Variants in FLVCR2 observed in about 807,000 individuals in gnomAD.
FLVCR2 encodes choline/ethanolamine transporter FLVCR2.
FLVCR2 carries 38 observed loss-of-function variants against 48.9 expected under a neutral mutation model. The ratio of observed to expected loss-of-function variants is 0.78; its 90% CI spans 0.60 to 1.02. The LOEUF is 1.02. FLVCR2 is among the 50% of genes least tolerant of loss of function. The pLI, the probability that FLVCR2 is intolerant of heterozygous loss-of-function variation, is 0.00. For missense variants in FLVCR2, 664 were observed against 663.3 expected (o/e 1.00, Z -0.01); for synonymous variants, 255 against 257.0 (o/e 0.99, Z 0.07).
chr14:75,584,020 G>T (rs1018104882), intron 1 of FLVCR2, among the ~76,000 whole-genome samples: 2 of 152,220 alleles, frequency 1.3e-5, no homozygotes, highest in African/African-American at 4.8e-5. Context: ...TTTAGGAGTG[G>T]CCGCGATGTG....
intron 3 of FLVCR2, among the ~76,000 whole-genome samples, chr14:75,629,549 C>T (rs1347606686): frequency 2.0e-5 from 3 of 151,866 alleles, no homozygotes; most frequent in Non-Finnish European, 4.4e-5. Context: ...GAACCTTCCT[C>T]TGGCTACCTT....
chr14:75,595,824 C>T (rs1889005501), intron 1 of FLVCR2: 1 of 876,836 alleles, frequency 1.1e-6, no homozygotes, highest in Non-Finnish European at 2.0e-6. Context: ...CAGCTTTTTG[C>T]CAGCACCAAC....
chr14:75,596,333 G>A (rs1278805138), intron 1 of FLVCR2: 2 of 372,054 alleles, frequency 5.4e-6, no homozygotes, highest in Non-Finnish European at 9.9e-6. Context: ...AGTGACTAAA[G>A]GTAGACGGGG....
intron 1 of FLVCR2, among the ~76,000 whole-genome samples, chr14:75,597,121 A>G (rs1889042077): frequency 6.6e-6 from 1 of 151,666 alleles, no homozygotes; most frequent in African/African-American, 2.4e-5. Context: ...GTCTCCACAA[A>G]AAGTACGAAA....
chr14:75,619,798 G>C (rs1889717716), intron 1 of FLVCR2, among the ~76,000 whole-genome samples: 4 of 152,164 alleles, frequency 2.6e-5, no homozygotes, highest in Admixed American at 2.6e-4. Flanking sequence ...CCTGGAGAAG[G>C]CTTAAAAGCC....
chr14:75,592,459 G>C (rs1012992705), intron 1 of FLVCR2, among the ~76,000 whole-genome samples: 5 of 152,266 alleles, frequency 3.3e-5, no homozygotes, highest in African/African-American at 9.6e-5. Context: ...CCATTGTTCT[G>C]TTAGTACCTG....
chr14:75,605,607 A>G, intron 1 of FLVCR2: 1 of 1,536,122 alleles, frequency 6.5e-7, no homozygotes, highest in Non-Finnish European at 8.7e-7. Context: ...CTGTGTTTGT[A>G]GAAGCGTGAG....
chr14:75,605,750 G>A (rs1331818797), intron 1 of FLVCR2: 6 of 895,620 alleles, frequency 6.7e-6, no homozygotes, highest in Non-Finnish European at 1.1e-5. Flanking sequence ...TTGAACACAA[G>A]TATTTTTCAG....
intron 1 of FLVCR2, among the ~76,000 whole-genome samples, chr14:75,613,682 C>T (rs1224500753): frequency 6.6e-6 from 1 of 152,128 alleles, no homozygotes. Context: ...TCTCGAGTAG[C>T]TGGGATTACA....
chr14:75,611,454 G>A (rs1889444962), intron 1 of FLVCR2, among the ~76,000 whole-genome samples: 1 of 152,130 alleles, frequency 6.6e-6, no homozygotes, highest in African/African-American at 2.4e-5. Context: ...CAAACCAGAG[G>A]CCAAGGCACA....
At chr14:75,588,566 T>A (rs1412150636) in intron 1 of FLVCR2, among the ~76,000 whole-genome samples, 2 of 152,162 alleles carry the variant, frequency 1.3e-5, no homozygotes, top group African/African-American at 4.8e-5. Context: ...CACTGCAATC[T>A]CCACTTCCCG....
Position 75,578,788 on chromosome 14 carries a change from T to G in FLVCR2, c.-185T>G. On this transcript the variant is annotated 5_prime_UTR_variant, in exon 1 of 10. Transcript: ENST00000238667. ...GGCAACAGAGAGCCCCAAGCAAAAG[T>G]GGGAGCAGGAGCTTGGAGGTGAGCA... The G allele has an allele frequency of 1.6e-6, 1 of 633,154 alleles. No homozygotes were observed. Among genetic ancestry groups the G allele is most frequent in the Non-Finnish European group, 2.8e-6 (1 of 362,132 alleles). The allele number at this position is 633,154 out of a possible 1,614,324, so 39.2% of individuals were successfully genotyped here.
At chr14:75,605,678 G>C in intron 1 of FLVCR2, 1 of 1,485,634 alleles carries the variant, frequency 6.7e-7, no homozygotes, top group Non-Finnish European at 9.1e-7. Context: ...CCGTGTGTCC[G>C]GAGCCTTAGG....
intron 1 of FLVCR2, among the ~76,000 whole-genome samples, chr14:75,619,381 A>T (rs1465761969): frequency 6.6e-6 from 1 of 151,938 alleles, no homozygotes; most frequent in East Asian, 1.9e-4. Flanking sequence ...TTTTCTTACC[A>T]CTGTGAGTAC....
At chr14:75,591,397 T>C (rs754629978) in intron 1 of FLVCR2, among the ~76,000 whole-genome samples, 23 of 152,208 alleles carry the variant, frequency 1.5e-4, no homozygotes, top group Non-Finnish European at 2.6e-4. Flanking sequence ...GATCAATGTT[T>C]TGCATCCTGG....
chr14:75,583,838 T>G (rs1219083876), intron 1 of FLVCR2, among the ~76,000 whole-genome samples: 2 of 152,118 alleles, frequency 1.3e-5, no homozygotes, highest in African/African-American at 4.8e-5. Context: ...GCCTCCATAT[T>G]GATTAAGAAG....
chr14:75,646,529 G>A lies in FLVCR2; in HGVS notation c.*57G>A, dbSNP rs747017094. Reference sequence around the variant, plus strand: ...ACACCCCACCTTTTCCTTCAGCACAGCTCTCACCGCCAGCACAAAGGGCTT... The same window carrying A: ...ACACCCCACCTTTTCCTTCAGCACAACTCTCACCGCCAGCACAAAGGGCTT... On this transcript the variant is annotated 3_prime_UTR_variant, in exon 10 of 10. Coordinates refer to ENST00000238667, the MANE Select transcript of FLVCR2 (RefSeq NM_017791.3). The A allele has an allele frequency of 8.1e-6, 10 of 1,240,546 alleles. No individual in the cohort carries two copies. The South Asian group carries it at 1.2e-4, about 15-fold the overall frequency. 76.8% of individuals were successfully genotyped at this position (1,240,546 alleles called of 1,614,324 possible).
intron 1 of FLVCR2, among the ~76,000 whole-genome samples, chr14:75,607,115 T>G (rs1258918558): frequency 5.9e-5 from 9 of 152,126 alleles, no homozygotes; most frequent in Non-Finnish European, 1.3e-4. Flanking sequence ...CCAGCAGCCA[T>G]GTTTGGGGCC....
chr14:75,638,319 C>T (rs1454371820), intron 5 of FLVCR2, among the ~76,000 whole-genome samples: 1 of 152,176 alleles, frequency 6.6e-6, no homozygotes. Context: ...TGCCTGTAAT[C>T]TCAGCTACTT....
Sources: gnomAD v4.1 joint callset for allele counts (sites outside exome capture counted in the v4.1 genomes callset) on GRCh38, gnomAD v4.1.1 for gene constraint, MANE v1.5 for transcripts, NCBI Gene and HGNC (gene_info 2026-07-23, HGNC 2026-07-21) for gene names.